Variants in COL14A1 observed in about 807,000 individuals in gnomAD.
COL14A1 encodes the protein collagen alpha-1(XIV) chain.
A neutral mutation model predicts 230.3 loss-of-function variants in COL14A1; 136 were observed. That is an observed-to-expected ratio of 0.59 (90% CI 0.51 to 0.68). COL14A1 has a LOEUF of 0.68. COL14A1 is among the 30% of genes least tolerant of loss of function. The probability of loss-of-function intolerance (pLI) is 0.00; values close to 1 mark genes in which losing one functional copy is unlikely to be tolerated. For synonymous variants in COL14A1, 792 were observed against 784.1 expected, an observed-to-expected ratio of 1.01 and a Z score of -0.17; for missense variants, 1,976 against 2,215.8, an observed-to-expected ratio of 0.89 and a Z score of 2.17.
chr8:120,292,676 A>C (rs182519153), intron 34 of COL14A1, among the ~76,000 whole-genome samples: 9 of 152,242 alleles, frequency 5.9e-5, no homozygotes, highest in Non-Finnish European at 1.2e-4. Context: ...AAGGGAATGT[A>C]TGTTGTGCAA....
At chr8:120,196,600 C>G (rs1283104590) in intron 5 of COL14A1, among the ~76,000 whole-genome samples, 191 bp from the exon 6 acceptor site, 1 of 152,168 alleles carries the variant, frequency 6.6e-6, no homozygotes, top group Non-Finnish European at 1.5e-5. Context: ...AGTACTGGCT[C>G]TACTGCCAAC....
intron 32 of COL14A1, 55 bp from the exon 33 acceptor site, chr8:120,285,806 A>G (rs999589984): frequency 2.5e-6 from 3 of 1,190,686 alleles, no homozygotes; most frequent in Non-Finnish European, 3.6e-6. Flanking sequence ...ATTTTAGAAA[A>G]CAAAATTCAC....
chr8:120,294,434 CTTTTT>C lies in COL14A1; in HGVS notation c.4237-3064_4237-3060del, dbSNP rs57256972. 3.4e-3 allele frequency among the ~76,000 whole-genome samples: 467 copies of C among 136,886 alleles called. 3 individuals are homozygous for C. Among genetic ancestry groups the C allele is most frequent in the Middle Eastern group, 0.015 (4 of 274 alleles). 89.8% of individuals were successfully genotyped at this position (136,886 alleles called of 152,430 possible). A position where few individuals can be genotyped will look rare whatever the true frequency, so the allele number is the denominator to read the frequency against. On this transcript the variant is annotated intron_variant, in intron 34 of 47. Transcript: ENST00000297848. The stretch of plus-strand genomic sequence containing the variant: ...AGTGGGAGGTTTTGTGTCTCTTCCT[CTTTTT>C]TTTTTTTTTTTTGCAAAGATGTATC...
intron 40 of COL14A1, among the ~76,000 whole-genome samples, chr8:120,323,333 T>C (rs1470668368): frequency 6.6e-6 from 1 of 151,802 alleles, no homozygotes; most frequent in African/African-American, 2.4e-5. Flanking sequence ...GTCAGATGCA[T>C]AGTTTGCAAA....
At position 120,372,974 on chromosome 8, in the gene COL14A1, C is replaced by CTT. The variant is rs1015335793; in HGVS notation, c.*1744_*1745dup. On this transcript the variant is annotated 3_prime_UTR_variant, in exon 48 of 48. Coordinates refer to ENST00000297848, the MANE Select transcript of COL14A1 (RefSeq NM_021110.4). ...AAAGCAGGATTTATGGGAAGGAAAACTTGTCTAAGGCTCATCAAGATGGCC... is the reference window on the plus strand; with the variant it reads ...AAAGCAGGATTTATGGGAAGGAAAACTTTTGTCTAAGGCTCATCAAGATGGCC... 6.6e-6 allele frequency among the ~76,000 whole-genome samples: 1 copy of CTT among 152,160 alleles called. No homozygotes were observed. The highest frequency in any genetic ancestry group is 1.5e-5 in the Non-Finnish European group (1 of 68,044).
chr8:120,335,402 C>T (rs1822021862), intron 42 of COL14A1, among the ~76,000 whole-genome samples: 1 of 152,164 alleles, frequency 6.6e-6, no homozygotes, highest in Non-Finnish European at 1.5e-5. Flanking sequence ...AACCATTTGG[C>T]CTATTAGCAT....
At chr8:120,344,684 A>G (rs1330913230) in intron 44 of COL14A1, among the ~76,000 whole-genome samples, 2 of 152,258 alleles carry the variant, frequency 1.3e-5, no homozygotes, top group Admixed American at 6.5e-5. Flanking sequence ...GATAAATAAC[A>G]GTAAACTAGA....
intron 36 of COL14A1, among the ~76,000 whole-genome samples, chr8:120,303,267 A>G (rs961908854): frequency 6.6e-6 from 1 of 152,106 alleles, no homozygotes; most frequent in Non-Finnish European, 1.5e-5. Context: ...AGGACTTCCA[A>G]TACTATGTTA....
chr8:120,306,937 C>G (rs566266939), intron 36 of COL14A1, among the ~76,000 whole-genome samples: 83 of 152,286 alleles, frequency 5.5e-4, no homozygotes, highest in African/African-American at 1.3e-3. Flanking sequence ...GGTATATTAA[C>G]TGGGAGAGAC....
intron 28 of COL14A1, among the ~76,000 whole-genome samples, chr8:120,279,137 C>T (rs1389033067): frequency 3.4e-5 from 3 of 87,338 alleles, no homozygotes; most frequent in Admixed American, 3.3e-4. Flanking sequence ...ACATCACACA[C>T]GGGGGCCTGT....
chr8:120,215,040 A>C (rs976053849), intron 13 of COL14A1, among the ~76,000 whole-genome samples: 4 of 152,204 alleles, frequency 2.6e-5, no homozygotes, highest in African/African-American at 9.6e-5. Context: ...AGATGGAACC[A>C]GTGAAATAGC....
At chr8:120,132,940 G>A (rs918709507) in intron 1 of COL14A1, among the ~76,000 whole-genome samples, 10 of 152,118 alleles carry the variant, frequency 6.6e-5, no homozygotes, top group Non-Finnish European at 1.3e-4. Flanking sequence ...TGTTCCGGCC[G>A]GGCGCGGTGG....
intron 26 of COL14A1, among the ~76,000 whole-genome samples, chr8:120,272,283 A>G (rs564559667): frequency 1.3e-5 from 2 of 151,896 alleles, no homozygotes; most frequent in East Asian, 3.9e-4. Context: ...CCTATAAGAA[A>G]TGTTAAAAGA....
In COL14A1 at chr8:120,216,471, A is replaced by G. The variant is rs1817754569; in HGVS notation, c.1718A>G (p.Asp573Gly). Residue 573 changes from aspartate (D) to glycine (G), a missense_variant, in exon 14 of 48, where the codon GAT becomes GGT. Around this residue, in one of 3 missense-constraint regions of COL14A1, gnomAD observed 1,791 missense variants for 2,019.5 expected, o/e 0.89. Transcript: ENST00000297848. The part of the protein sequence containing the change: ...NGYRIVYNNA[D>G]GTEINEVEVD... ...TATCGAATTGTATATAACAATGCAG[A>G]TGGGACTGAAATCAATGAGGTAAGT... 6.2e-7 allele frequency: 1 copy of G among 1,610,400 alleles called. No individual in the cohort carries two copies. Among genetic ancestry groups the G allele is most frequent in the Non-Finnish European group, 8.5e-7 (1 of 1,179,092 alleles).
intron 4 of COL14A1, among the ~76,000 whole-genome samples, chr8:120,166,877 T>A (rs1423290817): frequency 8.1e-5 from 8 of 98,384 alleles, no homozygotes; most frequent in African/African-American, 3.5e-4. Flanking sequence ...AGAATTTAAG[T>A]GTGTGTGTGT....
intron 40 of COL14A1, among the ~76,000 whole-genome samples, chr8:120,318,802 T>C (rs549236710): frequency 7.9e-4 from 121 of 152,262 alleles, no homozygotes; most frequent in African/African-American, 2.7e-3. Context: ...AAACGCAGGA[T>C]GATGAGACTT....
chr8:120,281,564 T>TAAA (rs1563715416), intron 31 of COL14A1, among the ~76,000 whole-genome samples: 7 of 79,468 alleles, frequency 8.8e-5, no homozygotes, highest in African/African-American at 4.5e-4. Flanking sequence ...GACCCCGTCT[T>TAAA]TAAAAAAAAA....
At chr8:120,303,996 C>T (rs1820790572) in intron 36 of COL14A1, among the ~76,000 whole-genome samples, 1 of 152,002 alleles carries the variant, frequency 6.6e-6, no homozygotes, top group African/African-American at 2.4e-5. Context: ...GGAATTTATC[C>T]ATCTCTTCTA....
At chr8:120,224,912 G>A (rs1818046935) in intron 14 of COL14A1, among the ~76,000 whole-genome samples, 176 bp from the exon 15 acceptor site, 1 of 152,172 alleles carries the variant, frequency 6.6e-6, no homozygotes, top group Non-Finnish European at 1.5e-5. Context: ...TCACTGATGG[G>A]TAATCTAAGG....
Sources: gnomAD v4.1 joint callset for allele counts (sites outside exome capture counted in the v4.1 genomes callset) on GRCh38, gnomAD v4.1.1 for gene constraint, gnomAD v4.1.1 regional missense constraint, MANE v1.5 for transcripts, NCBI Gene and HGNC (gene_info 2026-07-23, HGNC 2026-07-21) for gene names.